RGS7: variants seen among roughly 807,000 people sequenced by gnomAD.
The protein encoded by RGS7 is regulator of G-protein signaling 7.
A neutral mutation model predicts 81.1 loss-of-function variants in RGS7; 27 were observed. The observed-to-expected ratio is 0.33, with a 90% CI of 0.25 to 0.46. RGS7 has a LOEUF of 0.46. Ranked by LOEUF, RGS7 falls within the 20% of genes least tolerant of loss-of-function variation. The pLI, the probability that RGS7 is intolerant of heterozygous loss-of-function variation, is 1.00. For missense variants in RGS7, 396 were observed against 607.4 expected, an observed-to-expected ratio of 0.65 and a Z score of 3.66; for synonymous variants, 208 against 207.7, an observed-to-expected ratio of 1.00 and a Z score of -0.01.
rs1415675867 is a variant in RGS7, at chr1:241,289,835, T to C, written c.78+65864A>G. 3.9e-5 allele frequency among the ~76,000 whole-genome samples: 6 copies of C among 152,150 alleles called. No individual in the cohort carries two copies. In the East Asian group the frequency reaches 1.2e-3, roughly 30 times the overall value. On this transcript the variant is annotated intron_variant, in intron 2 of 18. Transcript: ENST00000440928. Reference sequence around the variant, plus strand: ...AAGATGGAGGGAGAGCATGACTGCCTGCTGCTACCTGAGTGAGAAGAGGAA... The same window carrying C: ...AAGATGGAGGGAGAGCATGACTGCCCGCTGCTACCTGAGTGAGAAGAGGAA...
intron 3 of RGS7, among the ~76,000 whole-genome samples, chr1:241,064,001 T>A (rs1225295970): frequency 3.3e-5 from 5 of 151,080 alleles, no homozygotes; most frequent in African/African-American, 1.2e-4. Flanking sequence ...CTGACCAACA[T>A]GGAGAAACCC....
chr1:240,858,292 T>C (rs576129843), intron 9 of RGS7, among the ~76,000 whole-genome samples: 27 of 152,328 alleles, frequency 1.8e-4, no homozygotes, highest in African/African-American at 3.6e-4. Context: ...TAACAATTCA[T>C]TTAGTTTTAT....
chr1:241,328,880 C>T (rs1002133638), intron 2 of RGS7, among the ~76,000 whole-genome samples: 1 of 152,204 alleles, frequency 6.6e-6, no homozygotes, highest in Non-Finnish European at 1.5e-5. Context: ...GATGCTCAGG[C>T]AACTGGTCTA....
intron 2 of RGS7, among the ~76,000 whole-genome samples, chr1:241,204,170 A>C (rs1014557845): frequency 6.6e-6 from 1 of 152,316 alleles, no homozygotes; most frequent in Admixed American, 6.5e-5. Context: ...GAGGGATGGA[A>C]CCATTTATGG....
At chr1:240,823,541 G>A in intron 10 of RGS7, 1 of 170,314 alleles carries the variant, frequency 5.9e-6, no homozygotes, top group Non-Finnish European at 1.3e-5. Flanking sequence ...GGTGGGGTGG[G>A]GACATGGCCG....
chr1:241,093,091 GT>G (rs970847973), intron 3 of RGS7, among the ~76,000 whole-genome samples: 4 of 151,834 alleles, frequency 2.6e-5, no homozygotes, highest in Admixed American at 2.0e-4. Context: ...TTATTTTATT[GT>G]TTTTTTCATT....
In RGS7 at chr1:240,832,072, C is replaced by T. The variant is rs114239118; in HGVS notation, c.610-4900G>A. On this transcript the variant is annotated intron_variant, in intron 9 of 18. Coordinates refer to ENST00000440928, the MANE Select transcript of RGS7 (RefSeq NM_001364886.1). Reference sequence around the variant, plus strand: ...TGTCTTTGGTTATTTAAAAAAAAGTCAATCATCTTTTTGATGCATATATAA... The same window carrying T: ...TGTCTTTGGTTATTTAAAAAAAAGTTAATCATCTTTTTGATGCATATATAA... 5.9e-3 allele frequency among the ~76,000 whole-genome samples: 904 copies of T among 152,242 alleles called. 10 individuals are homozygous for T. Among genetic ancestry groups the T allele is most frequent in the African/African-American group, 0.021 (871 of 41,546 alleles).
chr1:241,168,089 T>G (rs1049797743), intron 2 of RGS7, among the ~76,000 whole-genome samples: 4 of 152,206 alleles, frequency 2.6e-5, no homozygotes, highest in Non-Finnish European at 5.9e-5. Context: ...AGCTTAAATT[T>G]TACTCCAAAT....
At chr1:241,334,537 C>A (rs1435260473) in intron 2 of RGS7, among the ~76,000 whole-genome samples, 1 of 152,158 alleles carries the variant, frequency 6.6e-6, no homozygotes, top group Non-Finnish European at 1.5e-5. Context: ...GGGGCCCATT[C>A]CACAGTGAAA....
chr1:240,929,175 TG>T (rs1468517322), intron 6 of RGS7, among the ~76,000 whole-genome samples: 5 of 152,210 alleles, frequency 3.3e-5, no homozygotes, highest in African/African-American at 1.2e-4. Context: ...TGTTCAGGTC[TG>T]TCTGCCTCCA....
intron 2 of RGS7, among the ~76,000 whole-genome samples, chr1:241,240,347 G>A (rs1402640976): frequency 3.9e-5 from 6 of 152,194 alleles, no homozygotes; most frequent in Non-Finnish European, 7.3e-5. Flanking sequence ...AAGAAGCAAC[G>A]ACTCAGTTAG....
intron 6 of RGS7, among the ~76,000 whole-genome samples, chr1:240,878,942 T>C (rs1490567261): frequency 6.6e-6 from 1 of 152,208 alleles, no homozygotes; most frequent in Non-Finnish European, 1.5e-5. Context: ...CCTTTTTCTA[T>C]TACAAAGAAC....
intron 3 of RGS7, among the ~76,000 whole-genome samples, chr1:241,041,476 A>G (rs1246079216): frequency 6.6e-6 from 1 of 152,134 alleles, no homozygotes; most frequent in Non-Finnish European, 1.5e-5. Flanking sequence ...AGTATTTTAC[A>G]TAGGAATGAT....
At chr1:241,306,543 C>T (rs556190479) in intron 2 of RGS7, among the ~76,000 whole-genome samples, 2 of 152,050 alleles carry the variant, frequency 1.3e-5, no homozygotes, top group East Asian at 3.9e-4. Context: ...CACACATGCA[C>T]ACACCCTTAC....
chr1:241,009,152 C>T (rs1323093306), intron 3 of RGS7, among the ~76,000 whole-genome samples: 1 of 152,106 alleles, frequency 6.6e-6, no homozygotes, highest in Non-Finnish European at 1.5e-5. Context: ...ATACAAAGAC[C>T]TCATGACTAT....
intron 2 of RGS7, among the ~76,000 whole-genome samples, chr1:241,107,408 C>T (rs2065192096): frequency 6.6e-6 from 1 of 152,144 alleles, no homozygotes; most frequent in Non-Finnish European, 1.5e-5. Context: ...CAGTATGTTA[C>T]TCTTGTGCTG....
At chr1:241,070,685 G>A (rs1221461359) in intron 3 of RGS7, among the ~76,000 whole-genome samples, 1 of 152,198 alleles carries the variant, frequency 6.6e-6, no homozygotes, top group Non-Finnish European at 1.5e-5. Context: ...CAGAGACAGT[G>A]CAGGGAGGCT....
intron 10 of RGS7, 94 bp from the exon 11 acceptor site, chr1:240,816,509 T>C: frequency 1.2e-6 from 1 of 804,732 alleles, no homozygotes; most frequent in Non-Finnish European, 2.1e-6. Context: ...TTCAGTAAGG[T>C]CTCTCAAAGC....
chr1:241,119,605 G>A (rs943115153), intron 2 of RGS7, among the ~76,000 whole-genome samples: 1 of 152,148 alleles, frequency 6.6e-6, no homozygotes, highest in African/African-American at 2.4e-5. Context: ...CTGATGCACT[G>A]AGTTATGCAG....
Sources: allele counts gnomAD v4.1 joint callset (sites outside exome capture counted in the v4.1 genomes callset), GRCh38; gene constraint gnomAD v4.1.1; transcripts MANE v1.5; gene names NCBI Gene and HGNC (gene_info 2026-07-23, HGNC 2026-07-21).